The following GARIN2 variants were observed in gnomAD, a reference collection of about 807,000 sequenced individuals.
GARIN2 encodes the protein golgi associated RAB2 interactor family member 2.
chr14:67,208,160 C>A, the GARIN2 span: 2 of 1,607,678 alleles, frequency 1.2e-6, no homozygotes, highest in Non-Finnish European at 1.7e-6. Flanking sequence ...TTACCTGATG[C>A]TCTTCTGTTA....
At chr14:67,192,659 A>G in the GARIN2 span, among the ~76,000 whole-genome samples, 5 of 151,964 alleles carry the variant, frequency 3.3e-5, no homozygotes, top group African/African-American at 1.2e-4. Flanking sequence ...CACTCTTTAC[A>G]AGACATTGTC....
the GARIN2 span, chr14:67,205,139 G>T: frequency 6.8e-7 from 1 of 1,479,800 alleles, no homozygotes; most frequent in South Asian, 1.4e-5. Context: ...AACTAGAGGG[G>T]TTACCGAGAT....
the GARIN2 span, chr14:67,200,018 G>A: frequency 1.0e-6 from 1 of 965,244 alleles, no homozygotes; most frequent in Non-Finnish European, 1.5e-6. Flanking sequence ...CATGGTTTAG[G>A]ACATCCCCAT....
the GARIN2 span, chr14:67,225,290 A>G: frequency 1.1e-5 from 15 of 1,424,066 alleles, no homozygotes; most frequent in East Asian, 3.4e-4. Flanking sequence ...ATAAGTCTCT[A>G]TAGGAATACA....
the GARIN2 span, among the ~76,000 whole-genome samples, chr14:67,203,991 C>T: frequency 6.6e-6 from 1 of 152,134 alleles, no homozygotes; most frequent in Non-Finnish European, 1.5e-5. Flanking sequence ...GGATTACAGG[C>T]GTGAGCCACT....
chr14:67,210,810 C>T, the GARIN2 span, among the ~76,000 whole-genome samples: 7 of 151,896 alleles, frequency 4.6e-5, no homozygotes, highest in South Asian at 1.0e-3. Flanking sequence ...TCCAGGAGTT[C>T]GAGACCAGCC....
At chr14:67,215,797 GT>G in the GARIN2 span, among the ~76,000 whole-genome samples, 1 of 152,044 alleles carries the variant, frequency 6.6e-6, no homozygotes, top group African/African-American at 2.4e-5. Flanking sequence ...TCTTCCTTAT[GT>G]TTTATTTCAT....
the GARIN2 span, among the ~76,000 whole-genome samples, chr14:67,206,252 A>G: frequency 2.0e-5 from 3 of 152,170 alleles, no homozygotes; most frequent in African/African-American, 7.2e-5. Flanking sequence ...TAATCCCAGC[A>G]CTTTGGGAGA....
chr14:67,216,003 T>C, the GARIN2 span, among the ~76,000 whole-genome samples: 1 of 152,186 alleles, frequency 6.6e-6, no homozygotes, highest in Non-Finnish European at 1.5e-5. Context: ...ACTTTATTTT[T>C]TGCGTGCAGT....
the GARIN2 span, among the ~76,000 whole-genome samples, chr14:67,218,434 G>A: frequency 1.7e-4 from 26 of 152,178 alleles, no homozygotes; most frequent in African/African-American, 6.3e-4. Flanking sequence ...CTGACTCAGG[G>A]ACGTGCTCAC....
the GARIN2 span, chr14:67,222,148 T>C: frequency 4.1e-6 from 1 of 243,510 alleles, no homozygotes; most frequent in Non-Finnish European, 7.8e-6. Context: ...ACTACAGCAA[T>C]CATAGGACCT....
At chr14:67,221,879 G>A in the GARIN2 span, 12 of 1,577,534 alleles carry the variant, frequency 7.6e-6, no homozygotes, top group East Asian at 2.7e-4. Context: ...GTTCCTAGAA[G>A]AGTAGTGTGG....
chr14:67,219,332 G>C, the GARIN2 span, among the ~76,000 whole-genome samples: 1 of 152,158 alleles, frequency 6.6e-6, no homozygotes, highest in Non-Finnish European at 1.5e-5. Flanking sequence ...GTCCACATGG[G>C]TGATATAGGT....
At chr14:67,225,457 T>C in the GARIN2 span, among the ~76,000 whole-genome samples, 1 of 152,156 alleles carries the variant, frequency 6.6e-6, no homozygotes, top group Non-Finnish European at 1.5e-5. Flanking sequence ...AAAGATAACA[T>C]CAGCACAGGG....
At chr14:67,224,073 A>G in the GARIN2 span, 2 of 846,498 alleles carry the variant, frequency 2.4e-6, no homozygotes, top group Non-Finnish European at 2.8e-6. Flanking sequence ...GTTAGGGACC[A>G]TGATCTCAAA....
At chr14:67,191,835 G>A in the GARIN2 span, among the ~76,000 whole-genome samples, 2 of 152,176 alleles carry the variant, frequency 1.3e-5, no homozygotes, top group Non-Finnish European at 2.9e-5. Flanking sequence ...GATTTAATAA[G>A]GAATCTCTCT....
chr14:67,206,800 G>A, the GARIN2 span, among the ~76,000 whole-genome samples: 1 of 150,058 alleles, frequency 6.7e-6, no homozygotes, highest in Admixed American at 6.7e-5. Context: ...GTGAGATCTC[G>A]GCTCACTGCA....
chr14:67,193,075 C>T, the GARIN2 span, among the ~76,000 whole-genome samples: 8 of 141,226 alleles, frequency 5.7e-5, no homozygotes, highest in African/African-American at 2.1e-4. Flanking sequence ...TATATATATC[C>T]ATATATCTAT....
chr14:67,197,255 G>C, the GARIN2 span: 1 of 152,180 alleles, frequency 6.6e-6, no homozygotes, highest in Admixed American at 6.6e-5. Flanking sequence ...TCTTTTTGTT[G>C]TTTCTTTTAC....
Sources: gnomAD v4.1 joint callset for allele counts (sites outside exome capture counted in the v4.1 genomes callset) on GRCh38, gnomAD v4.1.1 for gene constraint, MANE v1.5 for transcripts, NCBI Gene and HGNC (gene_info 2026-07-23, HGNC 2026-07-21) for gene names.